Variants in SNX16 observed in about 807,000 individuals in gnomAD.
SNX16 encodes sorting nexin-16.
In SNX16, 35 loss-of-function variants were observed where a neutral mutation model predicts 36.7. That is an observed-to-expected ratio of 0.95 (90% CI 0.73 to 1.27). The LOEUF (loss-of-function observed/expected upper bound fraction) is 1.27. Among genes scored for constraint, SNX16 ranks in the 50% most tolerant of loss-of-function variants. The pLI, the probability that SNX16 is intolerant of heterozygous loss-of-function variation, is 0.00. For missense variants in SNX16, 367 were observed against 393.6 expected (o/e 0.93, Z 0.57); for synonymous variants, 134 against 132.0 (o/e 1.02, Z -0.10).
intron 5 of SNX16, among the ~76,000 whole-genome samples, chr8:81,809,829 A>G (rs1810148161): frequency 6.6e-6 from 1 of 152,196 alleles, no homozygotes; most frequent in African/African-American, 2.4e-5. Flanking sequence ...ATTCCTAGGA[A>G]AGTACCTTTA....
rs1194442876 is a variant in SNX16 at position 81,839,121 on chromosome 8, C to A, written c.375+491G>T. Among the ~76,000 whole-genome samples the A allele has an allele frequency of 2.0e-5, 3 of 152,216 alleles. No individual in the cohort carries two copies. In the East Asian group the frequency reaches 5.8e-4, roughly 29 times the overall value. On this transcript the variant is annotated intron_variant, in intron 2 of 7. Coordinates refer to ENST00000345957, the MANE Select transcript of SNX16 (RefSeq NM_152836.3). ...CACATGTTAGGAAGCTATGGATCAA[C>A]TGGAACTCTTATATGCTGCTTTTAG...
chr8:81,820,235 C>T (rs996102408), intron 4 of SNX16, among the ~76,000 whole-genome samples: 4 of 150,866 alleles, frequency 2.7e-5, no homozygotes, highest in Admixed American at 6.6e-5. Context: ...GGAGGGATTT[C>T]CCCCCCTTCC....
intron 4 of SNX16, among the ~76,000 whole-genome samples, chr8:81,817,309 T>C (rs563767755): frequency 1.3e-5 from 2 of 152,312 alleles, no homozygotes; most frequent in South Asian, 4.1e-4. Flanking sequence ...GAAAAAGGGG[T>C]AAAGGAGTAC....
At chr8:81,831,326 C>T (rs1402958972) in intron 2 of SNX16, among the ~76,000 whole-genome samples, 1 of 152,132 alleles carries the variant, frequency 6.6e-6, no homozygotes, top group Non-Finnish European at 1.5e-5. Flanking sequence ...AAAGAGACAA[C>T]CTACAGAATG....
At chr8:81,819,106 G>A (rs943516587) in intron 4 of SNX16, among the ~76,000 whole-genome samples, 12 of 151,834 alleles carry the variant, frequency 7.9e-5, no homozygotes, top group African/African-American at 1.5e-4. Context: ...CTGAATTTTC[G>A]TACTGAATCC....
chr8:81,822,964 A>ATATATATATATATATGTATATG lies in SNX16; in HGVS notation c.611+827_611+828insCATATACATATATATATATATA, dbSNP rs1554546264. Among the ~76,000 whole-genome samples the ATATATATATATATATGTATATG allele has an allele frequency of 8.5e-4, 108 of 127,184 alleles. 2 individuals are homozygous for ATATATATATATATATGTATATG. The highest frequency in any genetic ancestry group is 1.2e-3 in the African/African-American group (38 of 32,346). 83.4% of individuals were successfully genotyped at this position (127,184 alleles called of 152,430 possible). On this transcript the variant is annotated intron_variant, in intron 4 of 7. Transcript: ENST00000345957. ...TACATATACATATATATATATATAT[A>ATATATATATATATATGTATATG]TATATATATATACACATATGTGTGT... is the stretch of plus-strand genomic sequence containing the variant.
At chr8:81,802,169 C>A (rs1324155326) in intron 7 of SNX16, among the ~76,000 whole-genome samples, 1 of 151,520 alleles carries the variant, frequency 6.6e-6, no homozygotes, top group Non-Finnish European at 1.5e-5. Flanking sequence ...AAACTTACAT[C>A]CTGATGTCAA....
intron 4 of SNX16, 124 bp from the exon 5 acceptor site, chr8:81,815,518 T>C: frequency 1.7e-6 from 1 of 582,338 alleles, no homozygotes; most frequent in Non-Finnish European, 3.0e-6. Context: ...TTCATACAAG[T>C]AACTAAATAT....
At chr8:81,834,573 C>G (rs1425998723) in intron 2 of SNX16, among the ~76,000 whole-genome samples, 1 of 152,204 alleles carries the variant, frequency 6.6e-6, no homozygotes, top group African/African-American at 2.4e-5. Flanking sequence ...AATGAGGGTA[C>G]AGGCATTGGG....
rs1438339283 is a variant in SNX16 at position 81,799,991 on chromosome 8, TACC to T, written c.*1503_*1505del. On this transcript the variant is annotated 3_prime_UTR_variant, in exon 8 of 8. Coordinates refer to ENST00000345957, the MANE Select transcript of SNX16 (RefSeq NM_152836.3). ...CATTGTGAAAAATGTTCTGAGAACATACCTGTGCACTTTGACAGACTAAAAATT... is the reference window on the plus strand; with the variant it reads ...CATTGTGAAAAATGTTCTGAGAACATTGTGCACTTTGACAGACTAAAAATT... 1.0e-5 allele frequency: 1 copy of T among 99,658 alleles called. No individual in the cohort carries two copies. Among genetic ancestry groups the T allele is most frequent in the Non-Finnish European group, 2.0e-5 (1 of 49,626 alleles). The allele number at this position is 99,658 out of a possible 1,614,324, so 6.2% of individuals were successfully genotyped here.
At chr8:81,822,628 C>G (rs1443139669) in intron 4 of SNX16, among the ~76,000 whole-genome samples, 2 of 151,760 alleles carry the variant, frequency 1.3e-5, no homozygotes, top group Non-Finnish European at 1.5e-5. Flanking sequence ...GTGGTACTTG[C>G]AAGGGAAATG....
At chr8:81,810,091 A>G (rs971876513) in intron 5 of SNX16, among the ~76,000 whole-genome samples, 1 of 152,154 alleles carries the variant, frequency 6.6e-6, no homozygotes, top group African/African-American at 2.4e-5. Context: ...TTCTGCTTTA[A>G]TTGTTTGTAC....
rs1191422001 is a variant in SNX16 at position 81,810,093 on chromosome 8, TG to T, written c.681+5231del. ...GATGGCTTAAGAATTCTGCTTTAAT[TG>T]TTTGTACTTATAATTCATATAAAAT... is the stretch of plus-strand genomic sequence containing the variant. On this transcript the variant is annotated intron_variant, in intron 5 of 7. Transcript: ENST00000345957. Among the ~76,000 whole-genome samples the T allele has an allele frequency of 6.6e-5, 10 of 152,254 alleles. No homozygotes were observed. The East Asian group carries it at 1.9e-3, about 29-fold the overall frequency.
At position 81,801,613 on chromosome 8, in the gene SNX16, A is replaced by AAG; in HGVS notation, c.939-21_939-20insCT. On this transcript the variant is annotated intron_variant, in intron 7 of 7. Transcript: ENST00000345957. Reference sequence around the variant, plus strand: ...TCAGCTCTGCAAAAAAAAAAAAAAAAGGAACATATCAATGATGGGACTGGA... The same window carrying AAG: ...TCAGCTCTGCAAAAAAAAAAAAAAAAAGGGAACATATCAATGATGGGACTGGA... 7.4e-7 allele frequency: 1 copy of AAG among 1,344,100 alleles called. No homozygotes were observed. The highest frequency in any genetic ancestry group is 2.3e-5 in the East Asian group (1 of 42,788). 83.3% of individuals were successfully genotyped at this position (1,344,100 alleles called of 1,614,324 possible). A position where few individuals can be genotyped will look rare whatever the true frequency, so the allele number is the denominator to read the frequency against.
At position 81,800,615 on chromosome 8, in the gene SNX16, G is replaced by C. The variant is rs1035141009; in HGVS notation, c.*882C>G. ...ACACAAATAGAAATAAAAATGCAATGTCAGGAGTCAAGCCAGTTAGGAACT... is the reference window on the plus strand; with the variant it reads ...ACACAAATAGAAATAAAAATGCAATCTCAGGAGTCAAGCCAGTTAGGAACT... On this transcript the variant is annotated 3_prime_UTR_variant, in exon 8 of 8. Coordinates refer to ENST00000345957, the MANE Select transcript of SNX16 (RefSeq NM_152836.3). 1 of 152,236 alleles carries C rather than the reference G, an allele frequency of 6.6e-6. No individual in the cohort carries two copies. The highest frequency in any genetic ancestry group is 2.4e-5 in the African/African-American group (1 of 41,446). 9.4% of individuals were successfully genotyped at this position (152,236 alleles called of 1,614,324 possible).
At chr8:81,816,181 C>CTTTCTT (rs1554545063) in intron 4 of SNX16, among the ~76,000 whole-genome samples, 1 of 137,832 alleles carries the variant, frequency 7.3e-6, no homozygotes, top group African/African-American at 2.7e-5. Flanking sequence ...AAAGGATTTT[C>CTTTCTT]TTTTTTTTTT....
chr8:81,829,915 A>G (rs999301125), intron 2 of SNX16, among the ~76,000 whole-genome samples: 38 of 152,306 alleles, frequency 2.5e-4, no homozygotes, highest in African/African-American at 8.7e-4. Context: ...AAATAAGTTC[A>G]ATGTTTTTAT....
Position 81,839,973 on chromosome 8 carries a change from TAAG to T in SNX16, c.11_13del (p.Pro4_Tyr5delinsHis), listed in dbSNP as rs750741238. 5 of 1,605,740 alleles carry T rather than the reference TAAG, an allele frequency of 3.1e-6. No homozygotes were observed. In the Admixed American group the frequency reaches 6.9e-5, roughly 22 times the overall value. The stretch of plus-strand genomic sequence containing the variant: ...TCCTATGGGCATAGGAACTGGGACA[TAAG>T]GAGTTGCCATCTTCTTTTGGCTTTT... On this transcript the variant is annotated inframe_deletion, in exon 2 of 8. Coordinates refer to ENST00000345957, the MANE Select transcript of SNX16 (RefSeq NM_152836.3).
chr8:81,840,256 A>G (rs1811685094), intron 1 of SNX16, 174 bp from the exon 2 acceptor site: 2 of 303,552 alleles, frequency 6.6e-6, no homozygotes, highest in Non-Finnish European at 1.2e-5. Flanking sequence ...AGAGAGAGCA[A>G]AACTACTTCA....
Sources: allele counts gnomAD v4.1 joint callset (sites outside exome capture counted in the v4.1 genomes callset), GRCh38; gene constraint gnomAD v4.1.1; transcripts MANE v1.5; gene names NCBI Gene and HGNC (gene_info 2026-07-23, HGNC 2026-07-21).